TMEM116: variants seen among roughly 807,000 people sequenced by gnomAD.
TMEM116 encodes transmembrane protein 116.
In TMEM116, 38 loss-of-function variants were observed where a neutral mutation model predicts 44.3. That is an observed-to-expected ratio of 0.86 (90% CI 0.66 to 1.12). The LOEUF is 1.12. TMEM116 is among the 50% of genes most tolerant of loss of function. The pLI is 0.00. For missense variants in TMEM116, 354 were observed against 401.7 expected, an observed-to-expected ratio of 0.88 and a Z score of 1.01; for synonymous variants, 132 against 144.8, an observed-to-expected ratio of 0.91 and a Z score of 0.64.
Position 112,000,688 on chromosome 12 carries a change from A to G in TMEM116, c.78+3112T>C, listed in dbSNP as rs1038955236. The stretch of plus-strand genomic sequence containing the variant: ...CTTTATTCCAATAATGACCTAAATA[A>G]TAACTTCTGCTAGCATCTCTTCTGA... On this transcript the variant is annotated intron_variant, in intron 3 of 10. Transcript: ENST00000552374. The G allele has an allele frequency of 2.3e-4, 118 of 512,384 alleles. 1 individual carries two copies. In the Admixed American group the frequency reaches 2.3e-3, roughly 10 times the overall value. The allele number at this position is 512,384 out of a possible 1,614,324, so 31.7% of individuals were successfully genotyped here. A position where few individuals can be genotyped will look rare whatever the true frequency, so the allele number is the denominator to read the frequency against.
chr12:111,993,439 T>A, intron 3 of TMEM116: 1 of 562,458 alleles, frequency 1.8e-6, no homozygotes. Context: ...TATAGCAACA[T>A]ACTCCCAGAG....
chr12:112,003,945 T>A, intron 2 of TMEM116, 82 bp from the exon 3 acceptor site: 1 of 1,414,850 alleles, frequency 7.1e-7, no homozygotes, highest in Non-Finnish European at 9.1e-7. Flanking sequence ...GGGTTTTTTT[T>A]ACAGTTTTAT....
At chr12:111,996,809 T>C (rs2076952090) in intron 3 of TMEM116, among the ~76,000 whole-genome samples, 1 of 152,250 alleles carries the variant, frequency 6.6e-6, no homozygotes, top group Admixed American at 6.5e-5. Context: ...AAATAAATTT[T>C]AGTATATTCA....
chr12:111,957,484 C>T (rs2074219545), intron 4 of TMEM116, among the ~76,000 whole-genome samples: 1 of 151,728 alleles, frequency 6.6e-6, no homozygotes, highest in South Asian at 2.1e-4. Context: ...GCCGCCCCGT[C>T]CAGGAGGTGG....
intron 5 of TMEM116, among the ~76,000 whole-genome samples, chr12:111,941,564 G>A (rs991152641): frequency 4.6e-5 from 7 of 151,898 alleles, no homozygotes; most frequent in Non-Finnish European, 1.5e-5. Flanking sequence ...ATAAGTTTTC[G>A]GTATCCACAT....
intron 4 of TMEM116, among the ~76,000 whole-genome samples, chr12:111,954,907 C>T (rs762545379): frequency 1.3e-4 from 20 of 152,156 alleles, no homozygotes; most frequent in Non-Finnish European, 2.5e-4. Context: ...TCCTGGTAAA[C>T]ATAGATCAGT....
chr12:111,946,290 A>G (rs1385860232), intron 4 of TMEM116, among the ~76,000 whole-genome samples: 1 of 152,236 alleles, frequency 6.6e-6, no homozygotes, highest in East Asian at 1.9e-4. Context: ...TATAGTGTGG[A>G]GCGGGATCAG....
intron 4 of TMEM116, among the ~76,000 whole-genome samples, chr12:111,970,565 A>G (rs2075273049): frequency 1.3e-5 from 2 of 151,666 alleles, no homozygotes; most frequent in African/African-American, 2.4e-5. Context: ...AATAGCATTA[A>G]GGCACTTCAT....
At chr12:111,945,334 A>G (rs1232600831) in intron 4 of TMEM116, among the ~76,000 whole-genome samples, 7 of 121,936 alleles carry the variant, frequency 5.7e-5, no homozygotes, top group Non-Finnish European at 9.6e-5. Flanking sequence ...ACAGAGCTAG[A>G]CTCCATCTCA....
chr12:111,942,963 CTT>C (rs879615162), intron 5 of TMEM116, among the ~76,000 whole-genome samples: 1 of 146,448 alleles, frequency 6.8e-6, no homozygotes, highest in South Asian at 2.1e-4. Flanking sequence ...TTTTTACACA[CTT>C]TTTTTTTTTT....
At chr12:111,947,270 G>A (rs1463250369) in intron 4 of TMEM116, among the ~76,000 whole-genome samples, 1 of 151,364 alleles carries the variant, frequency 6.6e-6, no homozygotes, top group Non-Finnish European at 1.5e-5. Context: ...TTTTGAGCAA[G>A]TGTTTTAAAC....
intron 9 of TMEM116, 29 bp downstream of exon 9, chr12:111,933,857 C>T: frequency 6.2e-7 from 1 of 1,612,430 alleles, no homozygotes; most frequent in Non-Finnish European, 8.5e-7. Context: ...GCCCTCTTCA[C>T]TGCCCATCTC....
At chr12:111,969,559 C>T (rs1363002327) in intron 4 of TMEM116, among the ~76,000 whole-genome samples, 1 of 151,364 alleles carries the variant, frequency 6.6e-6, no homozygotes, top group Admixed American at 6.6e-5. Context: ...AGGTGTGCAC[C>T]ATCATACCCG....
At chr12:111,938,005 T>C in intron 6 of TMEM116, 156 bp downstream of exon 6, 1 of 438,598 alleles carries the variant, frequency 2.3e-6, no homozygotes, top group Non-Finnish European at 4.1e-6. Context: ...TGTGGAAAAA[T>C]GGAAGCAATG....
intron 4 of TMEM116, among the ~76,000 whole-genome samples, chr12:111,951,730 G>C (rs1415195022): frequency 6.6e-6 from 1 of 151,864 alleles, no homozygotes; most frequent in Non-Finnish European, 1.5e-5. Context: ...TTAAAACCTG[G>C]GTGATGAATG....
chr12:111,988,556 G>A (rs1301195669), intron 4 of TMEM116, among the ~76,000 whole-genome samples: 9 of 151,654 alleles, frequency 5.9e-5, no homozygotes, highest in Non-Finnish European at 7.4e-5. Context: ...AAAATTAGCC[G>A]GGCATAGTGG....
chr12:111,974,429 G>C (rs2075545030), intron 4 of TMEM116, among the ~76,000 whole-genome samples: 1 of 151,860 alleles, frequency 6.6e-6, no homozygotes, highest in African/African-American at 2.4e-5. Flanking sequence ...GATCATTTGA[G>C]GTTTGAGGTC....
chr12:111,965,688 G>T (rs763508111), intron 4 of TMEM116: 2 of 390,400 alleles, frequency 5.1e-6, no homozygotes, highest in South Asian at 1.9e-5. Flanking sequence ...ACTTTGGGAG[G>T]CCCAAGCGGT....
At chr12:111,968,992 C>CAAAAAAAAAAAAAAAAAAAAAAAAA (rs1176204219) in intron 4 of TMEM116, among the ~76,000 whole-genome samples, 4 of 45,150 alleles carry the variant, frequency 8.9e-5, no homozygotes, top group Admixed American at 2.5e-4. Flanking sequence ...GACTCTATCT[C>CAAAAAAAAAAAAAAAAAAAAAAAAA]AAAAAAAAAA....
Sources: gnomAD v4.1 joint callset for allele counts (sites outside exome capture counted in the v4.1 genomes callset) on GRCh38, gnomAD v4.1.1 for gene constraint, MANE v1.5 for transcripts, NCBI Gene and HGNC (gene_info 2026-07-23, HGNC 2026-07-21) for gene names.